The following CPXM2 variants were observed in gnomAD, a reference collection of about 807,000 sequenced individuals.
CPXM2 encodes carboxypeptidase X, M14 family member 2.
CPXM2 carries 66 observed loss-of-function variants against 86.1 expected under a neutral mutation model. The observed-to-expected ratio is 0.77, with a 90% CI of 0.63 to 0.94. The LOEUF is 0.94. Ranked by LOEUF, CPXM2 falls within the 40% of genes least tolerant of loss-of-function variation. The pLI is 0.00. For synonymous variants in CPXM2, 388 were observed against 400.2 expected, an observed-to-expected ratio of 0.97 and a Z score of 0.36; for missense variants, 948 against 1,026.3, an observed-to-expected ratio of 0.92 and a Z score of 1.04.
intron 6 of CPXM2, among the ~76,000 whole-genome samples, chr10:123,791,800 A>AG (rs569553485): frequency 2.0e-3 from 303 of 152,314 alleles, no homozygotes; most frequent in African/African-American, 6.7e-3. Context: ...GGAGGTTCTG[A>AG]GGGGGACATG....
upstream of CPXM2, among the ~76,000 whole-genome samples, chr10:123,893,934 A>G (rs1388572125): frequency 2.0e-5 from 3 of 152,234 alleles, no homozygotes; most frequent in South Asian, 2.1e-4. Context: ...CTTGCTCAAC[A>G]GCAGACCGAC....
chr10:123,776,625 A>G (rs546843020), intron 7 of CPXM2: 1 of 152,392 alleles, frequency 6.6e-6, no homozygotes, highest in African/African-American at 2.4e-5. Context: ...TCCACTCACC[A>G]GAACATTCTG....
At chr10:123,771,181 G>A (rs545227770) in intron 7 of CPXM2, 142 bp from the exon 8 acceptor site, 110 of 722,672 alleles carry the variant, frequency 1.5e-4, no homozygotes, top group African/African-American at 6.3e-4. Flanking sequence ...AGCTGCTATC[G>A]CCTCTGCCCA....
intron 3 of CPXM2, among the ~76,000 whole-genome samples, chr10:123,852,613 G>A (rs1282763103): frequency 2.6e-5 from 4 of 152,252 alleles, no homozygotes; most frequent in East Asian, 3.9e-4. Flanking sequence ...ATTGGCTCAC[G>A]GCTAAAAGCT....
At chr10:123,811,276 C>T (rs1184317874) in intron 4 of CPXM2, among the ~76,000 whole-genome samples, 1 of 151,708 alleles carries the variant, frequency 6.6e-6, no homozygotes, top group East Asian at 1.9e-4. Flanking sequence ...TTAGGTATAT[C>T]TCCTAATGCT....
chr10:123,797,250 G>T (rs77761511), intron 6 of CPXM2, among the ~76,000 whole-genome samples: 13,517 of 152,242 alleles, frequency 0.089, 714 homozygotes, highest in African/African-American at 0.15. Flanking sequence ...GACTGTCAAT[G>T]GTTTAGAATG....
In CPXM2 at chr10:123,873,308, A is replaced by T. The variant is rs190317063; in HGVS notation, c.403+6903T>A. 3.3e-5 allele frequency among the ~76,000 whole-genome samples: 5 copies of T among 152,378 alleles called. No homozygotes were observed. In the East Asian group the frequency reaches 9.6e-4, roughly 29 times the overall value. On this transcript the variant is annotated intron_variant, in intron 2 of 13. Transcript: ENST00000241305. Reference sequence around the variant, plus strand: ...CAGAATAGCAAGTATCAAAGAATAAATCTATTAAAAGATATATAAGACCTC... The same window carrying T: ...CAGAATAGCAAGTATCAAAGAATAATTCTATTAAAAGATATATAAGACCTC...
intron 2 of CPXM2, among the ~76,000 whole-genome samples, chr10:123,871,328 C>G (rs1944893008): frequency 6.6e-6 from 1 of 152,204 alleles, no homozygotes; most frequent in Admixed American, 6.5e-5. Context: ...AATGCCCAAC[C>G]AATGTTCCCA....
At chr10:123,938,560 G>A (rs1945744673) in intron 2 of CPXM2, among the ~76,000 whole-genome samples, 1 of 152,132 alleles carries the variant, frequency 6.6e-6, no homozygotes, top group South Asian at 2.1e-4. Flanking sequence ...TAGCTCATTG[G>A]CCTGCACTCT....
intron 2 of CPXM2, among the ~76,000 whole-genome samples, chr10:123,902,219 A>T (rs1590113524): frequency 1.3e-5 from 2 of 152,190 alleles, no homozygotes; most frequent in African/African-American, 4.8e-5. Flanking sequence ...AGGCGAGGTC[A>T]TGCAGCTCAC....
At chr10:123,906,004 G>T (rs1310618759) in intron 2 of CPXM2, among the ~76,000 whole-genome samples, 1 of 152,114 alleles carries the variant, frequency 6.6e-6, no homozygotes, top group African/African-American at 2.4e-5. Context: ...TCTTCCTTCG[G>T]CCAGTGACGC....
rs759747765 is a variant in CPXM2 at position 123,839,931 on chromosome 10, C to T, written c.653+2418G>A. On this transcript the variant is annotated intron_variant, in intron 4 of 13. Coordinates refer to ENST00000241305, the MANE Select transcript of CPXM2 (RefSeq NM_198148.3). ...TTAAAGTAATTCTATCCCTTGCCTT[C>T]CCTCTGAGATGTTCCCATACTGTCT... 7.2e-5 allele frequency among the ~76,000 whole-genome samples: 11 copies of T among 152,178 alleles called. No homozygotes were observed. The South Asian group carries it at 1.0e-3, about 14-fold the overall frequency.
At chr10:123,906,825 G>A (rs1212492550) in intron 2 of CPXM2, among the ~76,000 whole-genome samples, 1 of 152,158 alleles carries the variant, frequency 6.6e-6, no homozygotes, top group African/African-American at 2.4e-5. Context: ...GACCAGGATG[G>A]AAAGCAACCC....
chr10:123,882,214 A>G (rs74162964), intron 1 of CPXM2, among the ~76,000 whole-genome samples: 1,744 of 152,304 alleles, frequency 0.011, 41 homozygotes, highest in African/African-American at 0.039. Flanking sequence ...AGTATCTTTC[A>G]TTTCCATGTA....
chr10:123,937,686 T>C (rs1292414796), intron 2 of CPXM2, among the ~76,000 whole-genome samples: 1 of 152,176 alleles, frequency 6.6e-6, no homozygotes, highest in Non-Finnish European at 1.5e-5. Flanking sequence ...CTTCTGAGCA[T>C]CCTGACTGCT....
At chr10:123,859,414 T>A (rs1848807209) in intron 3 of CPXM2, among the ~76,000 whole-genome samples, 1 of 152,226 alleles carries the variant, frequency 6.6e-6, no homozygotes, top group Admixed American at 6.5e-5. Flanking sequence ...CTCGTCCCCA[T>A]TTCCCTGTGG....
intron 4 of CPXM2, among the ~76,000 whole-genome samples, chr10:123,838,597 C>T (rs1207417637): frequency 6.6e-6 from 1 of 152,202 alleles, no homozygotes; most frequent in Non-Finnish European, 1.5e-5. Context: ...CAGCAACATC[C>T]ATTTGGAAAA....
chr10:123,757,072 CAG>C (rs2133978942), intron 12 of CPXM2, 139 bp downstream of exon 12: 1 of 731,916 alleles, frequency 1.4e-6, no homozygotes, highest in Admixed American at 2.2e-5. Flanking sequence ...TGTCAACACA[CAG>C]TGGCTCCTCG....
chr10:123,797,286 G>A (rs1019707008), intron 6 of CPXM2, among the ~76,000 whole-genome samples: 12 of 152,138 alleles, frequency 7.9e-5, no homozygotes, highest in African/African-American at 2.4e-4. Context: ...CTACCCCACC[G>A]CCACTACCCA....
Sources: allele counts gnomAD v4.1 joint callset (sites outside exome capture counted in the v4.1 genomes callset), GRCh38; gene constraint gnomAD v4.1.1; transcripts MANE v1.5; gene names NCBI Gene and HGNC (gene_info 2026-07-23, HGNC 2026-07-21).